EPHA5: variants seen among roughly 807,000 people sequenced by gnomAD.
EPHA5 encodes the protein ephrin type-A receptor 5.
EPHA5 carries 60 observed loss-of-function variants against 105.0 expected under a neutral mutation model. The ratio of observed to expected loss-of-function variants is 0.57; its 90% CI spans 0.46 to 0.71. EPHA5 has a LOEUF of 0.71. EPHA5 is among the 30% of genes least tolerant of loss of function. The pLI is 0.00. For synonymous variants in EPHA5, 513 were observed against 449.1 expected, an observed-to-expected ratio of 1.14 and a Z score of -1.80; for missense variants, 1,218 against 1,274.7, an observed-to-expected ratio of 0.96 and a Z score of 0.68.
intron 5 of EPHA5, among the ~76,000 whole-genome samples, chr4:65,433,609 A>T (rs765367127): frequency 6.6e-6 from 1 of 152,178 alleles, no homozygotes; most frequent in African/African-American, 2.4e-5. Flanking sequence ...AACAACACAG[A>T]TCTATTATCT....
chr4:65,441,740 A>G (rs1409297000), intron 5 of EPHA5, among the ~76,000 whole-genome samples: 1 of 152,166 alleles, frequency 6.6e-6, no homozygotes, highest in Non-Finnish European at 1.5e-5. Flanking sequence ...TATTAATAAA[A>G]AAATGGTTTG....
chr4:65,331,593 G>A, intron 16 of EPHA5: 2 of 1,064,916 alleles, frequency 1.9e-6, no homozygotes, highest in Non-Finnish European at 2.3e-6. Context: ...TCCTTATGTA[G>A]GACTAGCCAC....
chr4:65,598,549 T>A (rs1743399503), intron 3 of EPHA5, among the ~76,000 whole-genome samples: 1 of 152,168 alleles, frequency 6.6e-6, no homozygotes, highest in Admixed American at 6.6e-5. Flanking sequence ...GTATGTGGAC[T>A]AACAGGAGTA....
chr4:65,431,611 C>T (rs918233586), intron 5 of EPHA5, among the ~76,000 whole-genome samples: 3 of 151,958 alleles, frequency 2.0e-5, no homozygotes, highest in Admixed American at 6.6e-5. Context: ...TTCCTTTTTT[C>T]CTAATATTAC....
intron 3 of EPHA5, among the ~76,000 whole-genome samples, chr4:65,508,616 C>G (rs1466479076): frequency 6.6e-6 from 1 of 152,024 alleles, no homozygotes; most frequent in South Asian, 2.1e-4. Context: ...GTATAAAAAG[C>G]ATTCACGATT....
intron 3 of EPHA5, among the ~76,000 whole-genome samples, chr4:65,551,751 G>T (rs1351966908): frequency 6.6e-6 from 1 of 152,072 alleles, no homozygotes; most frequent in Non-Finnish European, 1.5e-5. Context: ...GTTTACTCAT[G>T]TGTTACACCA....
chr4:65,630,424 G>A (rs1746527969), intron 2 of EPHA5, among the ~76,000 whole-genome samples: 1 of 152,138 alleles, frequency 6.6e-6, no homozygotes, highest in African/African-American at 2.4e-5. Flanking sequence ...CCTCTCAAGT[G>A]GTAGCAGGCC....
At chr4:65,615,469 G>T (rs545566757) in intron 2 of EPHA5, among the ~76,000 whole-genome samples, 12 of 151,800 alleles carry the variant, frequency 7.9e-5, no homozygotes, top group African/African-American at 2.9e-4. Flanking sequence ...AACAATGAAG[G>T]CCAGAAGAAA....
chr4:65,450,448 AT>A (rs1452769119), intron 5 of EPHA5, among the ~76,000 whole-genome samples: 2 of 152,172 alleles, frequency 1.3e-5, no homozygotes, highest in African/African-American at 4.8e-5. Flanking sequence ...CCAGACACAT[AT>A]GTCAGCATTT....
At chr4:65,595,324 C>A (rs1400006640) in intron 3 of EPHA5, among the ~76,000 whole-genome samples, 1 of 151,988 alleles carries the variant, frequency 6.6e-6, no homozygotes, top group Non-Finnish European at 1.5e-5. Context: ...AGAGTGCCTA[C>A]TACAATAACA....
chr4:65,490,574 G>A lies in EPHA5; in HGVS notation c.1205C>T (p.Ala402Val), dbSNP rs1731306625. Residue 402 changes from alanine to valine, a missense_variant, in exon 5 of 17, where the codon GCA becomes GTA. Ala to Val is a moderately conservative substitution (Grantham distance 64, BLOSUM62 0). This residue lies in a region of EPHA5 where 971 missense variants were observed against 1,013.5 expected (regional missense o/e 0.96). Coordinates refer to ENST00000613740, the MANE Select transcript of EPHA5 (RefSeq NM_001281766.3). Reference protein sequence around the residue: ...YIACKKCNSHAGVCEECGGHV... With the variant: ...YIACKKCNSHVGVCEECGGHV... ...ACCGCCACACTCCTCACACACACCT[G>A]CATGGGAGTTGCACTTCTTGCATGC... is the stretch of plus-strand genomic sequence containing the variant. 3 of 1,614,096 alleles carry A rather than the reference G, an allele frequency of 1.9e-6. No individual in the cohort carries two copies. The highest frequency in any genetic ancestry group is 2.5e-6 in the Non-Finnish European group (3 of 1,180,004).
intron 3 of EPHA5, among the ~76,000 whole-genome samples, chr4:65,500,343 A>G (rs1489859982): frequency 6.6e-6 from 1 of 151,330 alleles, no homozygotes; most frequent in Non-Finnish European, 1.5e-5. Flanking sequence ...GGGGGAAAGA[A>G]AATTATGTTT....
chr4:65,451,126 A>G (rs1727025114), intron 5 of EPHA5, among the ~76,000 whole-genome samples: 1 of 152,278 alleles, frequency 6.6e-6, no homozygotes, highest in African/African-American at 2.4e-5. Flanking sequence ...TGCCTCACAG[A>G]ACAGGTGGCT....
chr4:65,525,522 A>G (rs978217540), intron 3 of EPHA5, among the ~76,000 whole-genome samples: 3 of 151,872 alleles, frequency 2.0e-5, no homozygotes, highest in Non-Finnish European at 4.4e-5. Context: ...ACAGATACAC[A>G]TCTGCGGCCC....
At chr4:65,614,410 A>G (rs550654558) in intron 2 of EPHA5, among the ~76,000 whole-genome samples, 55 of 151,926 alleles carry the variant, frequency 3.6e-4, no homozygotes, top group African/African-American at 1.3e-3. Flanking sequence ...ATTATTTCAT[A>G]CTTTTACATC....
At chr4:65,514,460 A>G (rs1191706751) in intron 3 of EPHA5, among the ~76,000 whole-genome samples, 3 of 152,202 alleles carry the variant, frequency 2.0e-5, no homozygotes, top group Admixed American at 6.5e-5. Context: ...TCTAGCTTAC[A>G]GTCTACAGCC....
intron 2 of EPHA5, among the ~76,000 whole-genome samples, chr4:65,624,670 A>C (rs1198850135): frequency 6.6e-6 from 1 of 152,202 alleles, no homozygotes. Flanking sequence ...TGAATGTTAC[A>C]AAACTCTCTA....
intron 5 of EPHA5, among the ~76,000 whole-genome samples, chr4:65,427,478 G>A (rs112828041): frequency 5.8e-4 from 89 of 152,164 alleles, no homozygotes; most frequent in African/African-American, 1.3e-3. Flanking sequence ...ACCGCGCCCC[G>A]TCCTTGAGTA....
At chr4:65,551,661 C>T (rs1737935034) in intron 3 of EPHA5, among the ~76,000 whole-genome samples, 1 of 152,040 alleles carries the variant, frequency 6.6e-6, no homozygotes, top group African/African-American at 2.4e-5. Flanking sequence ...CCTTAATATG[C>T]TTGAAAATTT....
Sources: gnomAD v4.1 joint callset for allele counts (sites outside exome capture counted in the v4.1 genomes callset) on GRCh38, gnomAD v4.1.1 for gene constraint, gnomAD v4.1.1 regional missense constraint, MANE v1.5 for transcripts, NCBI Gene and HGNC (gene_info 2026-07-23, HGNC 2026-07-21) for gene names.